The following PREX1 variants were observed in gnomAD, a reference collection of about 807,000 sequenced individuals.
PREX1 encodes phosphatidylinositol 3,4,5-trisphosphate-dependent Rac exchanger 1 protein.
In PREX1, 41 loss-of-function variants were observed where a neutral mutation model predicts 198.3. The observed-to-expected ratio is 0.21, with a 90% CI of 0.16 to 0.27. The LOEUF (loss-of-function observed/expected upper bound fraction) is 0.27, where lower values mean the gene tolerates loss of function less well. Among genes scored for constraint, PREX1 ranks in the 10% least tolerant of loss-of-function variants. The probability of loss-of-function intolerance (pLI) is 1.00; values close to 1 mark genes in which losing one functional copy is unlikely to be tolerated. For synonymous variants in PREX1, 843 were observed against 887.2 expected (o/e 0.95, Z 0.89); for missense variants, 1,620 against 2,200.7 (o/e 0.74, Z 5.28).
chr20:48,752,516 C>T (rs148505482), intron 1 of PREX1, among the ~76,000 whole-genome samples: 116 of 152,262 alleles, frequency 7.6e-4, no homozygotes, highest in Non-Finnish European at 1.4e-3. Flanking sequence ...CAGGGCAGGC[C>T]AGAGGTGCGG....
chr20:48,881,612 G>A, the PREX1 span, among the ~76,000 whole-genome samples: 1 of 151,710 alleles, frequency 6.6e-6, no homozygotes, highest in Admixed American at 6.6e-5. Context: ...TCAGCCTCCT[G>A]AGTAGCTGGG....
intron 1 of PREX1, among the ~76,000 whole-genome samples, chr20:48,797,922 C>T (rs1047362427): frequency 2.6e-5 from 4 of 152,244 alleles, no homozygotes; most frequent in Non-Finnish European, 5.9e-5. Flanking sequence ...GTGACTTTCC[C>T]TAAGCTGCCT....
At chr20:48,714,816 G>C (rs1311514787) in intron 5 of PREX1, among the ~76,000 whole-genome samples, 2 of 152,166 alleles carry the variant, frequency 1.3e-5, no homozygotes, top group African/African-American at 4.8e-5. Context: ...GCTTGGGCTA[G>C]TTTTTCCATC....
intron 5 of PREX1, 133 bp from the exon 6 acceptor site, chr20:48,708,554 T>C: frequency 2.0e-6 from 2 of 983,804 alleles, no homozygotes; most frequent in Non-Finnish European, 3.0e-6. Flanking sequence ...GTAAAGGAGA[T>C]GAGCCAAAGC....
chr20:48,692,621 G>A (rs1186042532), intron 8 of PREX1, 51 bp downstream of exon 8: 1 of 1,394,998 alleles, frequency 7.2e-7, no homozygotes, highest in East Asian at 2.3e-5. Context: ...AGAGTGCCAG[G>A]GAGCAGGCAG....
chr20:48,626,166 G>C (rs1209288915), intron 39 of PREX1, among the ~76,000 whole-genome samples: 2 of 152,218 alleles, frequency 1.3e-5, no homozygotes, highest in African/African-American at 4.8e-5. Context: ...CGTGTCTACA[G>C]GTGCACGTGT....
chr20:48,837,037 A>T, the PREX1 span, among the ~76,000 whole-genome samples: 3 of 152,128 alleles, frequency 2.0e-5, no homozygotes, highest in Admixed American at 2.0e-4. Flanking sequence ...ATCTAACCTT[A>T]ATCTTTCAGA....
intron 38 of PREX1, 36 bp from the exon 39 acceptor site, chr20:48,627,651 G>T: frequency 6.2e-7 from 1 of 1,603,626 alleles, no homozygotes; most frequent in Non-Finnish European, 8.5e-7. Flanking sequence ...GGCCTCTGCA[G>T]GTTCAGGGCA....
chr20:48,647,890 CTTT>C (rs1305437472), intron 25 of PREX1, among the ~76,000 whole-genome samples: 3 of 152,152 alleles, frequency 2.0e-5, no homozygotes, highest in African/African-American at 7.2e-5. Flanking sequence ...ATCCCCATCA[CTTT>C]TTATTTCCCT....
intron 1 of PREX1, among the ~76,000 whole-genome samples, chr20:48,816,857 T>C (rs2090461372): frequency 6.6e-6 from 1 of 152,184 alleles, no homozygotes; most frequent in Non-Finnish European, 1.5e-5. Context: ...AAAACCCAGT[T>C]ACATTGCACC....
At chr20:48,789,622 G>A (rs2090328517) in intron 1 of PREX1, among the ~76,000 whole-genome samples, 1 of 152,168 alleles carries the variant, frequency 6.6e-6, no homozygotes, top group Non-Finnish European at 1.5e-5. Context: ...GTTGATATGA[G>A]TAACTATGGC....
chr20:48,870,535 A>C, the PREX1 span, among the ~76,000 whole-genome samples: 1 of 152,232 alleles, frequency 6.6e-6, no homozygotes, highest in African/African-American at 2.4e-5. Flanking sequence ...TTGTCCGTTC[A>C]AAAAGTTGAA....
chr20:48,883,432 G>A, the PREX1 span, among the ~76,000 whole-genome samples: 1 of 152,076 alleles, frequency 6.6e-6, no homozygotes, highest in Non-Finnish European at 1.5e-5. Context: ...AAGGCATCCA[G>A]TTTAGAAAGG....
At chr20:48,860,107 A>G in the PREX1 span, among the ~76,000 whole-genome samples, 1 of 152,272 alleles carries the variant, frequency 6.6e-6, no homozygotes, top group Non-Finnish European at 1.5e-5. Flanking sequence ...CACAATAGCC[A>G]AAAGCTGGAA....
chr20:48,868,371 G>A, the PREX1 span, among the ~76,000 whole-genome samples: 3,089 of 152,080 alleles, frequency 0.02, 35 homozygotes, highest in Non-Finnish European at 0.03. Flanking sequence ...AAGCTGGAGT[G>A]CAATGGCATG....
At chr20:48,630,665 T>G in intron 36 of PREX1, 63 bp downstream of exon 36, 1 of 1,436,202 alleles carries the variant, frequency 7.0e-7, no homozygotes. Flanking sequence ...GTCTGCTGAG[T>G]CCTGACTCCT....
At position 48,639,838 on chromosome 20, in the gene PREX1, T is replaced by A; in HGVS notation, c.3832A>T (p.Ile1278Phe). Residue 1278 changes from isoleucine (I) to phenylalanine (F), a missense_variant, in exon 30 of 40, where the codon ATC (isoleucine) becomes TTC (phenylalanine). Physicochemically the swap from Ile to Phe is conservative, Grantham distance 21 (BLOSUM62 0). Coordinates refer to ENST00000371941, the MANE Select transcript of PREX1 (RefSeq NM_020820.4). ...GGGAGGTTCCAGGGGTCCTCCTGGA[T>A]GCTAATCTGGATCAGGCTCCGGCCA... ...IRGRSLIQIS[I>F]QEDPWNLPNS... is the part of the protein sequence containing the mutation. The A allele has an allele frequency of 1.2e-6, 2 of 1,614,000 alleles. No homozygotes were observed. Among genetic ancestry groups the A allele is most frequent in the Non-Finnish European group, 1.7e-6 (2 of 1,179,898 alleles).
At position 48,709,285 on chromosome 20, in the gene PREX1, C is replaced by T. The variant is rs117159372; in HGVS notation, c.622-864G>A. Reference sequence around the variant, plus strand: ...TCTTTAATCATCTGACCCAGAAACACGCCCAATAGCTCCAGTCTCTCCCCT... The same window carrying T: ...TCTTTAATCATCTGACCCAGAAACATGCCCAATAGCTCCAGTCTCTCCCCT... On this transcript the variant is annotated intron_variant, in intron 5 of 39. Coordinates refer to ENST00000371941, the MANE Select transcript of PREX1 (RefSeq NM_020820.4). Among the ~76,000 whole-genome samples the T allele has an allele frequency of 2.2e-3, 342 of 152,334 alleles. 1 individual carries two copies. Among genetic ancestry groups the T allele is most frequent in the African/African-American group, 7.0e-3 (289 of 41,572 alleles).
At chr20:48,826,717 T>C (rs1267488570) in intron 1 of PREX1, among the ~76,000 whole-genome samples, 1 of 152,010 alleles carries the variant, frequency 6.6e-6, no homozygotes, top group Non-Finnish European at 1.5e-5. Context: ...TAGTCGGCCG[T>C]GGTGGCTGGC....
Sources: allele counts gnomAD v4.1 joint callset (sites outside exome capture counted in the v4.1 genomes callset), GRCh38; gene constraint gnomAD v4.1.1; transcripts MANE v1.5; gene names NCBI Gene and HGNC (gene_info 2026-07-23, HGNC 2026-07-21).